DOCK1: variants seen among roughly 807,000 people sequenced by gnomAD.
DOCK1 encodes the protein dedicator of cytokinesis 1, also known as dedicator of cytokinesis protein 1.
In DOCK1, 138 loss-of-function variants were observed where a neutral mutation model predicts 262.7. That is an observed-to-expected ratio of 0.53 (90% CI 0.46 to 0.61). The LOEUF is 0.61. Among genes scored for constraint, DOCK1 ranks in the 20% least tolerant of loss-of-function variants. DOCK1 has a pLI of 0.00. For synonymous variants in DOCK1, 866 were observed against 867.4 expected (o/e 1.00, Z 0.03); for missense variants, 1,908 against 2,370.7 (o/e 0.80, Z 4.05).
chr10:127,201,575 T>G (rs1461260479), intron 27 of DOCK1, among the ~76,000 whole-genome samples: 2 of 152,236 alleles, frequency 1.3e-5, no homozygotes, highest in Non-Finnish European at 2.9e-5. Flanking sequence ...GTTTTCCTTT[T>G]GAAAGAGAGG....
At position 127,104,784 on chromosome 10, in the gene DOCK1, A is replaced by G; in HGVS notation, c.2446-1447A>G. Among the ~76,000 whole-genome samples the G allele has an allele frequency of 1.3e-5, 2 of 152,210 alleles. 1 individual carries two copies. Among genetic ancestry groups the G allele is most frequent in the South Asian group, 4.1e-4 (2 of 4,828 alleles). On this transcript the variant is annotated intron_variant, in intron 23 of 51. Transcript: ENST00000623213. The stretch of plus-strand genomic sequence containing the variant: ...AAATCTGGCAACTTTTCCCAACAGA[A>G]GAGAGCAAAGGGACTCAGGGTCTGA...
In DOCK1 at chr10:127,433,249, A is replaced by G. The variant is rs190765613; in HGVS notation, c.4915-34A>G. 1,704 of 1,609,090 alleles carry G rather than the reference A, an allele frequency of 1.1e-3. 27 individuals are homozygous for G. In the Admixed American group the frequency reaches 0.026, roughly 25 times the overall value. ...CTGACCATGGCAGGCACAGGCATCA[A>G]ACAAGTCTCCTTCTCTCTCTTTCTC... is the stretch of plus-strand genomic sequence containing the variant. On this transcript the variant is annotated intron_variant, in intron 47 of 51. Coordinates refer to ENST00000623213, the MANE Select transcript of DOCK1 (RefSeq NM_001290223.2).
At chr10:127,084,369 A>G (rs1418108734) in intron 23 of DOCK1, among the ~76,000 whole-genome samples, 1 of 152,312 alleles carries the variant, frequency 6.6e-6, no homozygotes. Flanking sequence ...GTTCTCATTC[A>G]ATCTAAGCAT....
At chr10:127,135,545 C>T (rs1289087438) in intron 27 of DOCK1, 1 of 152,586 alleles carries the variant, frequency 6.6e-6, no homozygotes, top group Non-Finnish European at 1.5e-5. Context: ...GTGCGTTTTA[C>T]CTTGCTTTTG....
chr10:127,017,280 C>T (rs962830797), intron 12 of DOCK1, among the ~76,000 whole-genome samples: 2 of 151,872 alleles, frequency 1.3e-5, no homozygotes, highest in Admixed American at 6.6e-5. Flanking sequence ...TATAGACACA[C>T]ACAGACACAC....
intron 27 of DOCK1, among the ~76,000 whole-genome samples, chr10:127,167,931 C>G (rs529077670): frequency 5.5e-4 from 84 of 152,298 alleles, no homozygotes; most frequent in African/African-American, 1.9e-3. Flanking sequence ...AGGGTTGCTT[C>G]CCAGTAGCAA....
chr10:126,909,733 C>T (rs538946164), intron 1 of DOCK1, among the ~76,000 whole-genome samples: 73 of 152,282 alleles, frequency 4.8e-4, no homozygotes, highest in African/African-American at 1.6e-3. Context: ...CGTGAGGACT[C>T]GCTGAGATGA....
In DOCK1 at chr10:127,196,726, A is replaced by AAGAG. The variant is rs1564894798; in HGVS notation, c.2848-51282_2848-51281insAGAG. On this transcript the variant is annotated intron_variant, in intron 27 of 51. Coordinates refer to ENST00000623213, the MANE Select transcript of DOCK1 (RefSeq NM_001290223.2). Reference sequence around the variant, plus strand: ...CGCCAGAGCTGGAGGAGGAGGAGGAAGAGGAGGAGGAGGTGGAAGGAGCTG... The same window carrying AAGAG: ...CGCCAGAGCTGGAGGAGGAGGAGGAAAGAGGAGGAGGAGGAGGTGGAAGGAGCTG... 1.4e-4 allele frequency among the ~76,000 whole-genome samples: 21 copies of AAGAG among 149,746 alleles called. No homozygotes were observed. In the East Asian group the frequency reaches 3.7e-3, roughly 27 times the overall value.
intron 27 of DOCK1, among the ~76,000 whole-genome samples, chr10:127,188,010 G>A (rs2056437226): frequency 6.6e-6 from 1 of 152,110 alleles, no homozygotes; most frequent in South Asian, 2.1e-4. Flanking sequence ...GAAGTTTGTG[G>A]CATACAAAAA....
At chr10:127,433,977 G>C (rs11592954) in intron 48 of DOCK1, among the ~76,000 whole-genome samples, 3 of 151,918 alleles carry the variant, frequency 2.0e-5, no homozygotes, top group Non-Finnish European at 4.4e-5. Context: ...GGTGCAGTCC[G>C]GGCTGGCCAA....
At chr10:127,022,976 C>G (rs190847843) in intron 13 of DOCK1, among the ~76,000 whole-genome samples, 1 of 152,210 alleles carries the variant, frequency 6.6e-6, no homozygotes, top group Non-Finnish European at 1.5e-5. Context: ...CCAAGCAGAT[C>G]ATTGGAAACT....
chr10:127,352,615 C>T (rs375462043), intron 31 of DOCK1, among the ~76,000 whole-genome samples: 1 of 151,976 alleles, frequency 6.6e-6, no homozygotes, highest in Non-Finnish European at 1.5e-5. Flanking sequence ...TTTCTTGATA[C>T]AGAGTCTTTC....
At chr10:127,174,901 A>G (rs1314180845) in intron 27 of DOCK1, among the ~76,000 whole-genome samples, 1 of 152,148 alleles carries the variant, frequency 6.6e-6, no homozygotes, top group Non-Finnish European at 1.5e-5. Flanking sequence ...GTTATACATT[A>G]TCAATATCAT....
intron 29 of DOCK1, among the ~76,000 whole-genome samples, chr10:127,262,808 T>TG (rs35787243): frequency 1.3e-5 from 2 of 152,154 alleles, no homozygotes; most frequent in African/African-American, 4.8e-5. Flanking sequence ...GGCACTGCTG[T>TG]GGGGATGTCA....
chr10:127,311,208 T>C (rs961735639), intron 29 of DOCK1, among the ~76,000 whole-genome samples: 1 of 152,202 alleles, frequency 6.6e-6, no homozygotes, highest in African/African-American at 2.4e-5. Context: ...AAGGCAGCTG[T>C]TCCTGGGGCC....
At chr10:127,359,123 G>A (rs1179687018) in intron 32 of DOCK1, among the ~76,000 whole-genome samples, 1 of 151,060 alleles carries the variant, frequency 6.6e-6, no homozygotes, top group Non-Finnish European at 1.5e-5. Context: ...TGCTCCAGGG[G>A]AAATCTATAA....
chr10:127,362,506 G>A (rs1179478068), intron 33 of DOCK1, among the ~76,000 whole-genome samples: 1 of 152,116 alleles, frequency 6.6e-6, no homozygotes, highest in Non-Finnish European at 1.5e-5. Context: ...CCACTTCTTG[G>A]TACGTGCTCT....
Position 127,437,283 on chromosome 10 carries a change from C to G in DOCK1, c.5061-1744C>G, listed in dbSNP as rs529144218. Among the ~76,000 whole-genome samples the G allele has an allele frequency of 6.6e-6, 1 of 152,252 alleles. No homozygotes were observed. The highest frequency in any genetic ancestry group is 6.5e-5 in the Admixed American group (1 of 15,304). The stretch of plus-strand genomic sequence containing the variant: ...CCTGCAGCAGATCCTACTGCACAGC[C>G]ATATTAGATGAGAGAAGCAAAGAAT... On this transcript the variant is annotated intron_variant, in intron 48 of 51. Transcript: ENST00000623213. This position sits in a 1 kb window ranked among gnomAD's most constrained non-coding sequence, Gnocchi z 4.4.
At chr10:127,216,776 G>C (rs550182514) in intron 27 of DOCK1, among the ~76,000 whole-genome samples, 6 of 152,282 alleles carry the variant, frequency 3.9e-5, no homozygotes, top group Non-Finnish European at 7.3e-5. Flanking sequence ...TTCAAGGTTG[G>C]TGAAGTTCTG....
Sources: allele counts gnomAD v4.1 joint callset (sites outside exome capture counted in the v4.1 genomes callset), GRCh38; gene constraint gnomAD v4.1.1; non-coding constraint Gnocchi (gnomAD v3.1); transcripts MANE v1.5; gene names NCBI Gene and HGNC (gene_info 2026-07-23, HGNC 2026-07-21).